PCM1: variants seen among roughly 807,000 people sequenced by gnomAD.
PCM1 encodes the protein pericentriolar material 1 protein.
Under a neutral mutation model 241.9 loss-of-function variants are expected in PCM1, and 157 were observed. The observed-to-expected ratio is 0.65, with a 90% confidence interval of 0.57 to 0.74. The LOEUF is 0.74. PCM1 is among the 30% of genes least tolerant of loss of function. The pLI, the probability that PCM1 is intolerant of heterozygous loss-of-function variation, is 0.00. For missense variants in PCM1, 3,478 were observed against 2,360.1 expected (o/e 1.47, Z -9.81); for synonymous variants, 1,085 against 784.9 (o/e 1.38, Z -6.39).
chr8:18,016,000 T>G (rs530801917), intron 36 of PCM1, among the ~76,000 whole-genome samples: 1 of 152,338 alleles, frequency 6.6e-6, no homozygotes, highest in East Asian at 1.9e-4. Flanking sequence ...GTGATTCTCC[T>G]GCCTCAGCCT....
At chr8:18,026,544 C>T (rs2094231107) in intron 38 of PCM1, among the ~76,000 whole-genome samples, 2 of 151,670 alleles carry the variant, frequency 1.3e-5, no homozygotes, top group Non-Finnish European at 2.9e-5. Context: ...CAGGCGTGAA[C>T]CACCATGCCC....
intron 3 of PCM1, among the ~76,000 whole-genome samples, chr8:17,936,026 A>G (rs923444650): frequency 3.3e-5 from 5 of 151,978 alleles, no homozygotes; most frequent in Non-Finnish European, 5.9e-5. Flanking sequence ...CACCACCCTA[A>G]CTCTGCTTTT....
chr8:17,991,840 G>C, intron 28 of PCM1, 140 bp downstream of exon 28: 2 of 536,846 alleles, frequency 3.7e-6, no homozygotes, highest in Non-Finnish European at 6.4e-6. Context: ...TGTATTGTTT[G>C]ATCCCTCACC....
intron 2 of PCM1, among the ~76,000 whole-genome samples, chr8:17,928,838 A>G (rs7828607): frequency 0.025 from 3,792 of 151,636 alleles, 161 homozygotes; most frequent in African/African-American, 0.088. Flanking sequence ...CGCAGTTTGG[A>G]ACAGGCTGGT....
intron 26 of PCM1, 36 bp downstream of exon 26, chr8:17,986,123 T>G (rs747757042): frequency 3.1e-5 from 43 of 1,388,990 alleles, no homozygotes; most frequent in Non-Finnish European, 3.8e-5. Flanking sequence ...GTAGATATAA[T>G]TTTAGTATGC....
rs201596879 is a variant in PCM1, at chr8:18,005,357, G to T, written c.4828-906G>T. On this transcript the variant is annotated intron_variant, in intron 29 of 38. Coordinates refer to ENST00000325083, the MANE Select transcript of PCM1 (RefSeq NM_006197.4). ...CAGGGACAGTTGTGTTGTTGTTGTT[G>T]TTTTTTTTTTTTTTTAAATCGCCTG... 3.5e-4 allele frequency among the ~76,000 whole-genome samples: 50 copies of T among 141,296 alleles called. 1 individual carries two copies. The highest frequency in any genetic ancestry group is 2.8e-3 in the East Asian group (13 of 4,640). The allele number at this position is 141,296 out of a possible 152,430, so 92.7% of individuals were successfully genotyped here.
chr8:17,942,996 C>CAA (rs5889754), intron 6 of PCM1, among the ~76,000 whole-genome samples: 1 of 123,148 alleles, frequency 8.1e-6, no homozygotes. Context: ...GACTCTGTCT[C>CAA]AAAAAAAAAA....
chr8:17,965,268 C>A (rs953011275), intron 18 of PCM1, among the ~76,000 whole-genome samples: 1 of 152,078 alleles, frequency 6.6e-6, no homozygotes, highest in South Asian at 2.1e-4. Context: ...ATTCTGTTTA[C>A]GGTTTTTTAG....
chr8:18,024,462 A>T (rs1192037645), intron 36 of PCM1, among the ~76,000 whole-genome samples: 2 of 152,108 alleles, frequency 1.3e-5, no homozygotes, highest in African/African-American at 4.8e-5. Context: ...ACAAAGAGTA[A>T]CTCTTCTAAC....
At chr8:17,940,063 G>C (rs754401485) in intron 6 of PCM1, 3 of 1,577,280 alleles carry the variant, frequency 1.9e-6, no homozygotes, top group Non-Finnish European at 1.7e-6. Flanking sequence ...TGAGGAGGAG[G>C]ATGTTCGGAC....
chr8:17,958,689 C>T (rs528857200), intron 13 of PCM1, among the ~76,000 whole-genome samples: 2 of 151,418 alleles, frequency 1.3e-5, no homozygotes, highest in East Asian at 2.0e-4. Context: ...AAAAGGTGAG[C>T]GTGCTCTCTC....
chr8:17,969,803 C>A, intron 22 of PCM1, 55 bp downstream of exon 22: 4 of 1,301,058 alleles, frequency 3.1e-6, no homozygotes, highest in South Asian at 1.3e-5. Flanking sequence ...GTGATTACAT[C>A]TAATTATGTG....
At chr8:17,989,731 T>C in intron 26 of PCM1, 128 bp from the exon 27 acceptor site, 1 of 657,404 alleles carries the variant, frequency 1.5e-6, no homozygotes. Flanking sequence ...TTGGACAGAA[T>C]ACTGAGGAAA....
intron 28 of PCM1, among the ~76,000 whole-genome samples, chr8:17,992,446 A>C (rs1235925435): frequency 6.6e-6 from 1 of 152,098 alleles, no homozygotes; most frequent in Non-Finnish European, 1.5e-5. Flanking sequence ...CCATTCTTGC[A>C]GGAGTAGGAT....
intron 29 of PCM1, among the ~76,000 whole-genome samples, chr8:18,003,121 G>A (rs1441188701): frequency 6.6e-6 from 1 of 152,166 alleles, no homozygotes; most frequent in Admixed American, 6.6e-5. Flanking sequence ...TTTAACCTAT[G>A]TAATATTTGT....
intron 2 of PCM1, among the ~76,000 whole-genome samples, chr8:17,928,151 T>C (rs1009972918): frequency 6.6e-6 from 1 of 152,242 alleles, no homozygotes; most frequent in East Asian, 1.9e-4. Flanking sequence ...CTTATCTTAC[T>C]GTCTTTCTGT....
chr8:17,943,985 A>G (rs148768068), intron 6 of PCM1, among the ~76,000 whole-genome samples: 86 of 152,282 alleles, frequency 5.6e-4, no homozygotes, highest in African/African-American at 1.9e-3. Flanking sequence ...AAATATTTTA[A>G]GACATGATGA....
intron 27 of PCM1, among the ~76,000 whole-genome samples, chr8:17,990,979 G>T (rs2084408224): frequency 6.6e-6 from 1 of 151,884 alleles, no homozygotes; most frequent in Admixed American, 6.6e-5. Flanking sequence ...TCACCCCTTA[G>T]GTTGTCCCTC....
At chr8:18,017,017 C>T (rs533410659) in intron 36 of PCM1, among the ~76,000 whole-genome samples, 4 of 152,298 alleles carry the variant, frequency 2.6e-5, no homozygotes, top group East Asian at 1.9e-4. Flanking sequence ...TCAGTTTCTA[C>T]GCATGATATT....
Sources: allele counts gnomAD v4.1 joint callset (sites outside exome capture counted in the v4.1 genomes callset), GRCh38; gene constraint gnomAD v4.1.1; transcripts MANE v1.5; gene names NCBI Gene and HGNC (gene_info 2026-07-23, HGNC 2026-07-21).